Variants in IPO11 observed in about 807,000 individuals in gnomAD.
IPO11 encodes the protein importin-11.
IPO11 carries 66 observed loss-of-function variants against 143.2 expected under a neutral mutation model. The ratio of observed to expected loss-of-function variants is 0.46; its 90% CI spans 0.38 to 0.57. IPO11 has a LOEUF of 0.57. Ranked by LOEUF, IPO11 falls within the 20% of genes least tolerant of loss-of-function variation. The probability of loss-of-function intolerance (pLI) is 0.00; values close to 1 mark genes in which losing one functional copy is unlikely to be tolerated. For missense variants in IPO11, 1,026 were observed against 1,141.0 expected, an observed-to-expected ratio of 0.90 and a Z score of 1.45; for synonymous variants, 385 against 377.8, an observed-to-expected ratio of 1.02 and a Z score of -0.22.
intron 22 of IPO11, among the ~76,000 whole-genome samples, chr5:62,533,624 T>C (rs1404533005): frequency 1.3e-5 from 2 of 152,214 alleles, no homozygotes; most frequent in African/African-American, 4.8e-5. Context: ...AATTCTCTTA[T>C]TAGAACAGTG....
At chr5:62,537,774 T>C (rs1191659344) in intron 24 of IPO11, among the ~76,000 whole-genome samples, 1 of 152,118 alleles carries the variant, frequency 6.6e-6, no homozygotes, top group Non-Finnish European at 1.5e-5. Flanking sequence ...TAACAGTCTC[T>C]AAGTTGTATA....
At chr5:62,581,061 A>C (rs1744538554) in intron 27 of IPO11, 4 of 1,549,924 alleles carry the variant, frequency 2.6e-6, no homozygotes, top group South Asian at 1.2e-5. Flanking sequence ...CTTGTGTTTT[A>C]ATCATTTTTT....
chr5:62,515,264 A>AT lies in IPO11; in HGVS notation c.1783-122dup, dbSNP rs1450103394. 3 of 545,720 alleles carry AT rather than the reference A, an allele frequency of 5.5e-6. No individual in the cohort carries two copies. In the African/African-American group the frequency reaches 5.8e-5, roughly 11 times the overall value. 33.8% of individuals were successfully genotyped at this position (545,720 alleles called of 1,614,324 possible). A position where few individuals can be genotyped will look rare whatever the true frequency, so the allele number is the denominator to read the frequency against. The stretch of plus-strand genomic sequence containing the variant: ...TTTCTTAAGGGTATAAGCTTAATAC[A>AT]TTACATCTAATAAATATTAAATATG... On this transcript the variant is annotated intron_variant, in intron 19 of 29. Coordinates refer to ENST00000325324, the MANE Select transcript of IPO11 (RefSeq NM_016338.5).
intron 26 of IPO11, among the ~76,000 whole-genome samples, chr5:62,551,772 A>T (rs2028837): frequency 2.2e-3 from 336 of 152,264 alleles, no homozygotes; most frequent in African/African-American, 7.6e-3. Flanking sequence ...ATTTTTAAAA[A>T]TTGTAGTTGA....
At chr5:62,435,172 G>GTATA (rs368807385) in intron 1 of IPO11, among the ~76,000 whole-genome samples, 1 of 88,312 alleles carries the variant, frequency 1.1e-5, no homozygotes, top group African/African-American at 5.0e-5. Flanking sequence ...GTATATATAT[G>GTATA]TATATATGTA....
intron 27 of IPO11, among the ~76,000 whole-genome samples, chr5:62,588,504 A>C (rs1580358003): frequency 6.6e-6 from 1 of 152,204 alleles, no homozygotes; most frequent in East Asian, 1.9e-4. Context: ...AAGTGCTGGA[A>C]TTATAGGCGT....
chr5:62,477,982 A>C (rs550821670), intron 9 of IPO11, among the ~76,000 whole-genome samples: 41 of 152,346 alleles, frequency 2.7e-4, no homozygotes, highest in Admixed American at 9.8e-4. Flanking sequence ...AGTAACTTTG[A>C]GTCTTCATGA....
At chr5:62,535,385 T>C (rs922693295) in intron 22 of IPO11, among the ~76,000 whole-genome samples, 1 of 152,122 alleles carries the variant, frequency 6.6e-6, no homozygotes, top group Non-Finnish European at 1.5e-5. Context: ...CTGTTCATTG[T>C]TGGTCTACAA....
intron 24 of IPO11, among the ~76,000 whole-genome samples, chr5:62,541,320 G>A (rs1413944082): frequency 4.6e-5 from 7 of 151,088 alleles, no homozygotes; most frequent in East Asian, 2.0e-4. Flanking sequence ...GTGGTGAGCC[G>A]AGATGACGCC....
chr5:62,441,816 C>T (rs375288747), intron 2 of IPO11, among the ~76,000 whole-genome samples: 31 of 149,906 alleles, frequency 2.1e-4, no homozygotes, highest in South Asian at 2.1e-4. Context: ...CATGCCCGGC[C>T]GCTTTATATC....
At chr5:62,497,986 C>A (rs552992947) in intron 16 of IPO11, among the ~76,000 whole-genome samples, 1 of 152,130 alleles carries the variant, frequency 6.6e-6, no homozygotes, top group Admixed American at 6.5e-5. Context: ...TGCCGTTTCA[C>A]TGGCCTACTT....
At chr5:62,624,842 G>A (rs1437627014) in intron 29 of IPO11, among the ~76,000 whole-genome samples, 1 of 151,938 alleles carries the variant, frequency 6.6e-6, no homozygotes, top group Non-Finnish European at 1.5e-5. Context: ...CAATTTAACT[G>A]GGCATAGTGG....
At chr5:62,581,227 T>G in intron 27 of IPO11, 1 of 1,546,880 alleles carries the variant, frequency 6.5e-7, no homozygotes, top group Non-Finnish European at 8.7e-7. Context: ...AAGTCCTGGC[T>G]TGGAGCAGAT....
chr5:62,559,645 G>A (rs919699792), intron 26 of IPO11, among the ~76,000 whole-genome samples: 3 of 151,634 alleles, frequency 2.0e-5, no homozygotes, highest in South Asian at 2.1e-4. Flanking sequence ...GGCTGGGTGC[G>A]GTGGCTCACG....
chr5:62,480,247 G>A (rs1746137845), intron 9 of IPO11, among the ~76,000 whole-genome samples: 1 of 152,306 alleles, frequency 6.6e-6, no homozygotes, highest in South Asian at 2.1e-4. Flanking sequence ...TCAGATGGTT[G>A]TAGATGTGTG....
At position 62,568,190 on chromosome 5, in the gene IPO11, C is replaced by G. The variant is rs1744020950; in HGVS notation, c.2582+6933C>G. ...CATGTTGCCCAGTCTGGTCAGACCC[C>G]TGAGCTCAAGCTATCCACCCACCTC... On this transcript the variant is annotated intron_variant, in intron 27 of 29. Transcript: ENST00000325324. Among the ~76,000 whole-genome samples, 4 of 151,400 alleles carry G rather than the reference C, an allele frequency of 2.6e-5. No individual in the cohort carries two copies. The South Asian group carries it at 8.3e-4, about 32-fold the overall frequency.
Position 62,457,834 on chromosome 5 carries a change from AG to A in IPO11, c.516+5902del, listed in dbSNP as rs533688469. ...TAGCTCCAGCCTGTAAGATATTTACAGTGCTGTAAAATTTATTTAAAAGATA... is the reference window on the plus strand; with the variant it reads ...TAGCTCCAGCCTGTAAGATATTTACATGCTGTAAAATTTATTTAAAAGATA... On this transcript the variant is annotated intron_variant, in intron 5 of 29. Transcript: ENST00000325324. Among the ~76,000 whole-genome samples the A allele has an allele frequency of 2.7e-3, 408 of 152,310 alleles. 5 individuals are homozygous for A. The highest frequency in any genetic ancestry group is 9.3e-3 in the African/African-American group (388 of 41,578).
chr5:62,537,837 A>G (rs1015523113), intron 24 of IPO11, among the ~76,000 whole-genome samples: 2 of 151,998 alleles, frequency 1.3e-5, no homozygotes, highest in African/African-American at 4.8e-5. Flanking sequence ...TATTAAATGT[A>G]TATATTTACA....
intron 1 of IPO11, among the ~76,000 whole-genome samples, chr5:62,435,077 T>C (rs901908572): frequency 3.3e-4 from 36 of 107,570 alleles, no homozygotes; most frequent in East Asian, 2.6e-3. Flanking sequence ...TATATGTATA[T>C]ATATGTGTAT....
Sources: gnomAD v4.1 joint callset for allele counts (sites outside exome capture counted in the v4.1 genomes callset) on GRCh38, gnomAD v4.1.1 for gene constraint, MANE v1.5 for transcripts, NCBI Gene and HGNC (gene_info 2026-07-23, HGNC 2026-07-21) for gene names.